The following BPI variants were observed in gnomAD, a reference collection of about 807,000 sequenced individuals.
BPI encodes the protein bactericidal permeability increasing protein, also known as bactericidal permeability-increasing protein.
In BPI, 48 loss-of-function variants were observed where a neutral mutation model predicts 57.6. The observed-to-expected ratio is 0.83, with a 90% confidence interval of 0.66 to 1.06. The LOEUF is 1.06. Among genes scored for constraint, BPI ranks in the 50% least tolerant of loss-of-function variants. The pLI, the probability that BPI is intolerant of heterozygous loss-of-function variation, is 0.00. For missense variants in BPI, 651 were observed against 609.7 expected (o/e 1.07, Z -0.71); for synonymous variants, 237 against 238.2 (o/e 0.99, Z 0.05).
chr20:38,336,021 C>A (rs2076765950), intron 14 of BPI, among the ~76,000 whole-genome samples: 1 of 152,182 alleles, frequency 6.6e-6, no homozygotes, highest in Non-Finnish European at 1.5e-5. Flanking sequence ...CTTTTGCACC[C>A]AGCATCATAC....
Position 38,308,911 on chromosome 20 carries a change from T to C in BPI, c.246-19T>C. 1 of 1,613,994 alleles carries C rather than the reference T, an allele frequency of 6.2e-7. No homozygotes were observed. Among genetic ancestry groups the C allele is most frequent in the Non-Finnish European group, 8.5e-7 (1 of 1,179,872 alleles). Reference sequence around the variant, plus strand: ...AGGAGTATATGAAATTATATGACATTCACATTTCTCCTTTGCAGCATGGAC... The same window carrying C: ...AGGAGTATATGAAATTATATGACATCCACATTTCTCCTTTGCAGCATGGAC... On this transcript the variant is annotated intron_variant, in intron 2 of 14. Coordinates refer to ENST00000642449, the MANE Select transcript of BPI (RefSeq NM_001725.3).
chr20:38,310,705 C>T, intron 4 of BPI, 53 bp downstream of exon 4: 3 of 1,579,244 alleles, frequency 1.9e-6, no homozygotes, highest in Admixed American at 1.7e-5. Context: ...AAGAACTCTC[C>T]CAATCATCCC....
At chr20:38,334,907 A>G (rs2076759612) in intron 13 of BPI, among the ~76,000 whole-genome samples, 2 of 152,092 alleles carry the variant, frequency 1.3e-5, no homozygotes, top group South Asian at 4.2e-4. Flanking sequence ...GGGTTCCCTG[A>G]TAACCCCTCC....
rs779268412 is a variant in BPI, at chr20:38,326,394, C to T, written c.1123C>T (p.Pro375Ser). 6.2e-7 allele frequency: 1 copy of T among 1,613,998 alleles called. No individual in the cohort carries two copies. The highest frequency in any genetic ancestry group is 8.5e-7 in the Non-Finnish European group (1 of 1,180,018). Residue 375 changes from proline (P) to serine (S), a missense_variant, in exon 10 of 15, where the codon CCC (proline) becomes TCC (serine). Physicochemically the swap from Pro to Ser is moderately conservative, Grantham distance 74. Transcript: ENST00000642449. ...AVDVQAFAVL[P>S]NSSLASLFLI... Reference sequence around the variant, plus strand: ...GGATGTCCAGGCCTTTGCCGTCCTCCCCAACTCCTCCCTGGCTTCCCTCTT... The same window carrying T: ...GGATGTCCAGGCCTTTGCCGTCCTCTCCAACTCCTCCCTGGCTTCCCTCTT...
intron 12 of BPI, 32 bp from the exon 13 acceptor site, chr20:38,334,398 G>A (rs186835069): frequency 6.9e-6 from 11 of 1,598,254 alleles, no homozygotes; most frequent in Non-Finnish European, 1.7e-6. Flanking sequence ...GGCGATGCAG[G>A]GCCATCCTCC....
In BPI at chr20:38,335,023, G is replaced by C. The variant is rs1179852704; in HGVS notation, c.1336+530G>C. Among the ~76,000 whole-genome samples the C allele has an allele frequency of 2.0e-5, 3 of 152,106 alleles. No homozygotes were observed. In the East Asian group the frequency reaches 5.8e-4, roughly 29 times the overall value. On this transcript the variant is annotated intron_variant, in intron 13 of 14. Transcript: ENST00000642449. ...TAGAGGCCCATATAACCTGTGACTA[G>C]GATATTTAGAACTTACCAATTAATC...
chr20:38,313,472 C>T (rs1161913452), intron 5 of BPI, among the ~76,000 whole-genome samples: 2 of 150,864 alleles, frequency 1.3e-5, no homozygotes, highest in African/African-American at 2.4e-5. Flanking sequence ...CATGAGATAA[C>T]CCAGAAAATG....
At chr20:38,312,328 A>G (rs2076625863) in intron 5 of BPI, among the ~76,000 whole-genome samples, 2 of 150,918 alleles carry the variant, frequency 1.3e-5, no homozygotes, top group Admixed American at 6.6e-5. Flanking sequence ...AACAAATGCC[A>G]TTGATGAAGC....
At chr20:38,306,886 G>A (rs972747147) in intron 1 of BPI, among the ~76,000 whole-genome samples, 6 of 151,956 alleles carry the variant, frequency 3.9e-5, no homozygotes, top group Admixed American at 2.6e-4. Context: ...TAAATGATGG[G>A]AAAAAAATCA....
chr20:38,318,381 A>G (rs2076663105), intron 5 of BPI, 32 bp from the exon 6 acceptor site: 4 of 1,590,066 alleles, frequency 2.5e-6, no homozygotes, highest in Non-Finnish European at 2.6e-6. Flanking sequence ...CTATGGGAAG[A>G]CCTTACTGAT....
chr20:38,305,337 CA>C (rs2076591995), intron 1 of BPI, among the ~76,000 whole-genome samples: 1 of 152,172 alleles, frequency 6.6e-6, no homozygotes, highest in Non-Finnish European at 1.5e-5. Flanking sequence ...TCTTTAAGTT[CA>C]GTGGTCTTCA....
In BPI at chr20:38,311,880, G is replaced by T; in HGVS notation, c.543G>T (p.Leu181=). ...CCTACTTGTTCATCTCTAGGTGGCTGATCCAACTCTTCCACAAAAAAATTG... is the reference window on the plus strand; with the variant it reads ...CCTACTTGTTCATCTCTAGGTGGCTTATCCAACTCTTCCACAAAAAAATTG... ...VHISKSKVGW[L]IQLFHKKIES... The change falls in exon 5 of 15, where the codon CTG becomes CTT. Residue 181 remains leucine (L), a synonymous_variant. Transcript: ENST00000642449. 6.2e-7 allele frequency: 1 copy of T among 1,614,012 alleles called. No individual in the cohort carries two copies. The highest frequency in any genetic ancestry group is 2.2e-5 in the East Asian group (1 of 44,880).
At chr20:38,317,995 C>T in intron 5 of BPI, 1 of 985,082 alleles carries the variant, frequency 1.0e-6, no homozygotes, top group Non-Finnish European at 1.2e-6. Flanking sequence ...CCCATGCTCC[C>T]AGAAGCCCAG....
intron 6 of BPI, among the ~76,000 whole-genome samples, 155 bp downstream of exon 6, chr20:38,318,631 G>A (rs993988352): frequency 2.0e-5 from 3 of 152,192 alleles, no homozygotes; most frequent in Non-Finnish European, 4.4e-5. Flanking sequence ...GAGGCAGCTA[G>A]CATTGGGTCA....
chr20:38,317,569 C>G, intron 5 of BPI: 2 of 699,482 alleles, frequency 2.9e-6, no homozygotes, highest in South Asian at 3.1e-5. Context: ...TTCTGCACAG[C>G]CTTTTATGAC....
intron 14 of BPI, among the ~76,000 whole-genome samples, chr20:38,336,100 G>A (rs895765194): frequency 2.6e-5 from 4 of 152,122 alleles, no homozygotes; most frequent in Non-Finnish European, 4.4e-5. Flanking sequence ...AGTCTCCTTC[G>A]TGGCTTTCGC....
At chr20:38,313,145 G>A (rs1325269424) in intron 5 of BPI, among the ~76,000 whole-genome samples, 3 of 152,166 alleles carry the variant, frequency 2.0e-5, no homozygotes, top group Non-Finnish European at 4.4e-5. Flanking sequence ...AGCACTTTGG[G>A]AGGCCAAGGC....
intron 14 of BPI, 135 bp from the exon 15 acceptor site, chr20:38,337,011 G>T: frequency 1.7e-6 from 1 of 593,570 alleles, no homozygotes. Flanking sequence ...AACACTGAGT[G>T]ACCCCCACTG....
At chr20:38,318,512 C>A in intron 6 of BPI, 36 bp downstream of exon 6, 2 of 1,599,034 alleles carry the variant, frequency 1.3e-6, no homozygotes, top group Non-Finnish European at 8.6e-7. Flanking sequence ...TAGAAAGGAA[C>A]AGAAATGGGA....
Sources: gnomAD v4.1 joint callset for allele counts (sites outside exome capture counted in the v4.1 genomes callset) on GRCh38, gnomAD v4.1.1 for gene constraint, MANE v1.5 for transcripts, NCBI Gene and HGNC (gene_info 2026-07-23, HGNC 2026-07-21) for gene names.